NRG1: variants seen among roughly 807,000 people sequenced by gnomAD.
NRG1 encodes neuregulin 1.
In NRG1, 18 loss-of-function variants were observed where a neutral mutation model predicts 63.8. That is an observed-to-expected ratio of 0.28 (90% CI 0.19 to 0.42). The LOEUF (loss-of-function observed/expected upper bound fraction) is 0.42, where lower values mean the gene tolerates loss of function less well. Ranked by LOEUF, NRG1 falls within the 10% of genes least tolerant of loss-of-function variation. The pLI, the probability that NRG1 is intolerant of heterozygous loss-of-function variation, is 1.00. For missense variants in NRG1, 762 were observed against 814.7 expected, an observed-to-expected ratio of 0.94 and a Z score of 0.79; for synonymous variants, 302 against 301.3, an observed-to-expected ratio of 1.00 and a Z score of -0.02.
chr8:31,835,031 T>C (rs1825565370), intron 1 of NRG1, among the ~76,000 whole-genome samples: 1 of 152,236 alleles, frequency 6.6e-6, no homozygotes, highest in Non-Finnish European at 1.5e-5. Flanking sequence ...CATGCTGCTA[T>C]TACTAGTTAA....
Position 31,834,930 on chromosome 8 carries a change from A to G in NRG1, c.37+195499A>G, listed in dbSNP as rs184532857. Among the ~76,000 whole-genome samples, 8 of 152,268 alleles carry G rather than the reference A, an allele frequency of 5.3e-5. No individual in the cohort carries two copies. The East Asian group carries it at 1.4e-3, about 26-fold the overall frequency. ...CTGTACATTTAACCTTTCAGTGCCTAGCTTTCCCCTTTTCCTATAGAATCA... is the reference window on the plus strand; with the variant it reads ...CTGTACATTTAACCTTTCAGTGCCTGGCTTTCCCCTTTTCCTATAGAATCA... On this transcript the variant is annotated intron_variant, in intron 1 of 10. Coordinates refer to the NRG1 transcript ENST00000519301.
chr8:32,581,628 T>A (rs898536395), intron 1 of NRG1, among the ~76,000 whole-genome samples: 11 of 152,190 alleles, frequency 7.2e-5, no homozygotes, highest in Non-Finnish European at 1.0e-4. Context: ...AATGGAATAA[T>A]AATGGTTTTA....
intron 1 of NRG1, among the ~76,000 whole-genome samples, chr8:32,366,711 A>ATATATC (rs1407313192): frequency 2.7e-4 from 22 of 81,740 alleles, no homozygotes; most frequent in African/African-American, 5.3e-4. Flanking sequence ...ATATATATAT[A>ATATATC]TATCTCACTT....
intron 1 of NRG1, among the ~76,000 whole-genome samples, chr8:32,524,175 T>C (rs1196327548): frequency 6.6e-6 from 1 of 152,094 alleles, no homozygotes; most frequent in Non-Finnish European, 1.5e-5. Context: ...TAGTCCCAGA[T>C]ACTTGAGAGG....
intron 1 of NRG1, among the ~76,000 whole-genome samples, chr8:32,037,869 G>A (rs1819329251): frequency 6.6e-6 from 1 of 152,178 alleles, no homozygotes; most frequent in Non-Finnish European, 1.5e-5. Context: ...TCTCCAACCT[G>A]CTACACTGGC....
Position 31,706,705 on chromosome 8 carries a change from G to A in NRG1, c.37+67274G>A, listed in dbSNP as rs539914090. Among the ~76,000 whole-genome samples, 102 of 152,276 alleles carry A rather than the reference G, an allele frequency of 6.7e-4. 1 individual carries two copies. Among genetic ancestry groups the A allele is most frequent in the African/African-American group, 2.4e-3 (100 of 41,560 alleles). Reference sequence around the variant, plus strand: ...CTTTTTCCTCAGCCTTACCAATAGAGCATGTTGTCAGCCTTTGGCATTTTG... The same window carrying A: ...CTTTTTCCTCAGCCTTACCAATAGAACATGTTGTCAGCCTTTGGCATTTTG... On this transcript the variant is annotated intron_variant, in intron 1 of 10. Coordinates refer to the NRG1 transcript ENST00000519301.
chr8:32,698,248 G>A (rs550118772), intron 5 of NRG1, among the ~76,000 whole-genome samples: 1 of 152,080 alleles, frequency 6.6e-6, no homozygotes, highest in South Asian at 2.1e-4. Flanking sequence ...TTTTCAGTGA[G>A]TAAGCATATA....
chr8:31,796,155 G>A (rs1243790102), intron 1 of NRG1, among the ~76,000 whole-genome samples: 2 of 152,080 alleles, frequency 1.3e-5, no homozygotes, highest in African/African-American at 4.8e-5. Flanking sequence ...TTGACATGTT[G>A]GGACATTCTC....
chr8:32,272,728 G>C (rs1166370089), intron 1 of NRG1, among the ~76,000 whole-genome samples: 1 of 152,076 alleles, frequency 6.6e-6, no homozygotes, highest in Non-Finnish European at 1.5e-5. Context: ...TGTGTCCCAG[G>C]GGCCTATCCA....
intron 1 of NRG1, among the ~76,000 whole-genome samples, chr8:31,922,105 T>A (rs567822245): frequency 6.6e-6 from 1 of 152,326 alleles, no homozygotes; most frequent in South Asian, 2.1e-4. Context: ...TCTAATGACT[T>A]CTTGACAAGC....
chr8:32,621,904 T>C (rs893644466), intron 5 of NRG1, among the ~76,000 whole-genome samples: 1 of 152,182 alleles, frequency 6.6e-6, no homozygotes, highest in Non-Finnish European at 1.5e-5. Flanking sequence ...AAGCCCTTAC[T>C]ATTGAAAGAA....
chr8:31,779,048 G>A (rs16878273), intron 1 of NRG1, among the ~76,000 whole-genome samples: 21,896 of 152,132 alleles, frequency 0.14, 2,060 homozygotes, highest in East Asian at 0.2. Context: ...AATGAGAGCT[G>A]TTTCTTGTTG....
chr8:32,254,348 A>T (rs1279682518), intron 1 of NRG1, among the ~76,000 whole-genome samples: 1 of 152,198 alleles, frequency 6.6e-6, no homozygotes, highest in Non-Finnish European at 1.5e-5. Context: ...ACACTGCTTT[A>T]GCTGTGTCCC....
intron 6 of NRG1, among the ~76,000 whole-genome samples, chr8:32,737,546 G>A (rs142309446): frequency 2.8e-3 from 385 of 138,110 alleles, no homozygotes; most frequent in African/African-American, 9.6e-3. Context: ...GCGAGACTCC[G>A]TCTCAAAAAA....
At chr8:32,567,951 T>C (rs1004021112) in intron 1 of NRG1, among the ~76,000 whole-genome samples, 3 of 152,350 alleles carry the variant, frequency 2.0e-5, no homozygotes, top group Non-Finnish European at 4.4e-5. Context: ...AGCTGCAGAA[T>C]GCAGGGAAGT....
chr8:32,079,343 A>G (rs1053352727), intron 1 of NRG1, among the ~76,000 whole-genome samples: 9 of 152,208 alleles, frequency 5.9e-5, no homozygotes, highest in East Asian at 1.9e-4. Flanking sequence ...GAGTTAAACA[A>G]TAATTAACTG....
At chr8:31,933,174 T>G (rs188415206) in intron 1 of NRG1, among the ~76,000 whole-genome samples, 1 of 152,326 alleles carries the variant, frequency 6.6e-6, no homozygotes, top group East Asian at 1.9e-4. Context: ...TCGTGTTTTT[T>G]AAAGGATAAT....
intron 1 of NRG1, among the ~76,000 whole-genome samples, chr8:32,304,024 CAA>C (rs200816070): frequency 1.3e-5 from 2 of 151,974 alleles, no homozygotes; most frequent in Admixed American, 1.3e-4. Context: ...ATGTTGACTA[CAA>C]AAAAAACTCA....
At chr8:31,776,158 G>A (rs1025074132) in intron 1 of NRG1, among the ~76,000 whole-genome samples, 82 of 152,178 alleles carry the variant, frequency 5.4e-4, no homozygotes, top group African/African-American at 1.7e-3. Context: ...GTGACAGGTT[G>A]ATGTGGAACT....
Sources: allele counts gnomAD v4.1 joint callset (sites outside exome capture counted in the v4.1 genomes callset), GRCh38; gene constraint gnomAD v4.1.1; transcripts MANE v1.5; gene names NCBI Gene and HGNC (gene_info 2026-07-23, HGNC 2026-07-21).